PDE12: variants seen among roughly 807,000 people sequenced by gnomAD.
PDE12 encodes the protein phosphodiesterase 12.
Under a neutral mutation model 45.4 loss-of-function variants are expected in PDE12, and 26 were observed. That is an observed-to-expected ratio of 0.57 (90% confidence interval 0.42 to 0.79). The LOEUF (loss-of-function observed/expected upper bound fraction) is 0.79, where lower values mean the gene tolerates loss of function less well. Among genes scored for constraint, PDE12 ranks in the 30% least tolerant of loss-of-function variants. PDE12 has a pLI of 0.00. For missense variants in PDE12, 668 were observed against 790.0 expected (o/e 0.85, Z 1.85); for synonymous variants, 283 against 323.9 (o/e 0.87, Z 1.36).
At chr3:57,632,008 C>A in the PDE12 span, among the ~76,000 whole-genome samples, 1 of 143,668 alleles carries the variant, frequency 7.0e-6, no homozygotes, top group Non-Finnish European at 1.5e-5. Context: ...AGGCGTGAGC[C>A]ACCGCGCCCG....
At chr3:57,569,278 A>T (rs567367605), downstream of PDE12, among the ~76,000 whole-genome samples, 5 of 152,326 alleles carry the variant, frequency 3.3e-5, no homozygotes, top group Admixed American at 2.0e-4. Flanking sequence ...AAAGAAAAAA[A>T]GGAACTTTAA....
the PDE12 span, among the ~76,000 whole-genome samples, chr3:57,640,977 G>A: frequency 2.0e-5 from 3 of 151,430 alleles, no homozygotes; most frequent in Non-Finnish European, 1.5e-5. Context: ...ACTTTGAACC[G>A]CTCCCTAAAT....
the PDE12 span, among the ~76,000 whole-genome samples, chr3:57,590,038 C>A: frequency 1.3e-5 from 2 of 149,294 alleles, no homozygotes; most frequent in Non-Finnish European, 3.0e-5. Context: ...CGCAGTGAGT[C>A]GAGATCATGC....
chr3:57,595,999 C>T, the PDE12 span, among the ~76,000 whole-genome samples: 1 of 151,330 alleles, frequency 6.6e-6, no homozygotes, highest in Non-Finnish European at 1.5e-5. Flanking sequence ...CGGTAGAAAA[C>T]AAGCTAATGA....
At chr3:57,635,166 T>G in the PDE12 span, among the ~76,000 whole-genome samples, 1 of 152,196 alleles carries the variant, frequency 6.6e-6, no homozygotes, top group Non-Finnish European at 1.5e-5. Context: ...AATTCTTAAA[T>G]GACTATGCAG....
the PDE12 span, chr3:57,645,684 T>C: frequency 8.1e-6 from 13 of 1,613,120 alleles, no homozygotes; most frequent in Non-Finnish European, 1.0e-5. Context: ...GGGTAGTATA[T>C]TCTTTGAATT....
the PDE12 span, among the ~76,000 whole-genome samples, chr3:57,605,915 TAAACTC>T: frequency 6.6e-6 from 1 of 151,974 alleles, no homozygotes. Context: ...TTAATAAACT[TAAACTC>T]ATAGAAATAG....
the PDE12 span, among the ~76,000 whole-genome samples, chr3:57,601,277 T>C: frequency 1.3e-5 from 2 of 152,036 alleles, no homozygotes; most frequent in Non-Finnish European, 2.9e-5. Context: ...GCCCGGCTAA[T>C]TTTTGTATTT....
chr3:57,611,739 G>A, the PDE12 span, among the ~76,000 whole-genome samples: 1 of 152,122 alleles, frequency 6.6e-6, no homozygotes, highest in Non-Finnish European at 1.5e-5. Context: ...GAAACAACAG[G>A]TGCTAGAGAG....
At position 57,556,481 on chromosome 3, in the gene PDE12, G is replaced by A. The variant is rs1455897647; in HGVS notation, c.102G>A (p.Ala34=). Reference sequence around the variant, plus strand: ...CGGGGAGCCAGACAGCGGCGGGAGCGATGGAGCGCGCTGTAGTGCGCTGCG... The same window carrying A: ...CGGGGAGCCAGACAGCGGCGGGAGCAATGGAGCGCGCTGTAGTGCGCTGCG... The part of the protein sequence containing the change: ...AEAGSQTAAG[A]MERAVVRCVP... Residue 34 remains alanine (A), a synonymous_variant, in exon 1 of 3, where the codon GCG becomes GCA. Transcript: ENST00000311180. The surrounding 1 kb of genome is among the most constrained non-coding windows in gnomAD (Gnocchi z 5.0). 4 of 1,612,800 alleles carry A rather than the reference G, an allele frequency of 2.5e-6. No individual in the cohort carries two copies. The highest frequency in any genetic ancestry group is 1.3e-5 in the African/African-American group (1 of 75,068).
the PDE12 span, chr3:57,631,207 T>C: frequency 2.1e-6 from 1 of 485,998 alleles, no homozygotes; most frequent in Non-Finnish European, 3.6e-6. Context: ...CTACATTTTT[T>C]CTTTTTTGAG....
chr3:57,574,885 G>A, the PDE12 span, among the ~76,000 whole-genome samples: 1 of 151,830 alleles, frequency 6.6e-6, no homozygotes, highest in Non-Finnish European at 1.5e-5. Context: ...TTTCGCTCTT[G>A]TTGCCCAGGC....
the PDE12 span, chr3:57,572,171 A>G: frequency 1.8e-5 from 28 of 1,529,188 alleles, no homozygotes; most frequent in Non-Finnish European, 2.4e-5. Context: ...AGCCTAGACC[A>G]ATTTTATCAA....
At chr3:57,590,089 C>CAATAAATA in the PDE12 span, among the ~76,000 whole-genome samples, 12,433 of 135,052 alleles carry the variant, frequency 0.092, 693 homozygotes, top group Non-Finnish European at 0.11. Flanking sequence ...GACTCTGTCT[C>CAATAAATA]AATAAATAAA....
Position 57,562,104 on chromosome 3 carries a change from GT to G in PDE12, c.*2102del, listed in dbSNP as rs1480492149. 2 of 981,848 alleles carry G rather than the reference GT, an allele frequency of 2.0e-6. No homozygotes were observed. The highest frequency in any genetic ancestry group is 2.4e-6 in the Non-Finnish European group (2 of 826,944). The allele number at this position is 981,848 out of a possible 1,614,324, so 60.8% of individuals were successfully genotyped here. On this transcript the variant is annotated 3_prime_UTR_variant, in exon 3 of 3. Transcript: ENST00000311180. The stretch of plus-strand genomic sequence containing the variant: ...TTTTGGGCTGTTTTCAAAGAAAGAT[GT>G]TGATAGAACCCTTAGAGTGACTTGG...
At chr3:57,604,103 T>C in the PDE12 span, among the ~76,000 whole-genome samples, 15 of 151,822 alleles carry the variant, frequency 9.9e-5, no homozygotes, top group African/African-American at 2.4e-5. Context: ...TTTGTATTTT[T>C]AGTAGAGACA....
the PDE12 span, among the ~76,000 whole-genome samples, chr3:57,635,379 A>C: frequency 6.6e-6 from 1 of 152,140 alleles, no homozygotes; most frequent in African/African-American, 2.4e-5. Context: ...TAGTATATGC[A>C]GGCCCTGGTC....
the PDE12 span, among the ~76,000 whole-genome samples, chr3:57,594,770 T>A: frequency 3.4e-4 from 51 of 152,232 alleles, no homozygotes; most frequent in African/African-American, 1.2e-3. Context: ...AAAACATTAA[T>A]AATTCCAACA....
chr3:57,589,902 C>A, the PDE12 span, among the ~76,000 whole-genome samples: 1 of 149,980 alleles, frequency 6.7e-6, no homozygotes, highest in Non-Finnish European at 1.5e-5. Flanking sequence ...ACCAGCCTGG[C>A]CAACATGGTG....
Sources: allele counts gnomAD v4.1 joint callset (sites outside exome capture counted in the v4.1 genomes callset), GRCh38; gene constraint gnomAD v4.1.1; non-coding constraint Gnocchi (gnomAD v3.1); transcripts MANE v1.5; gene names NCBI Gene and HGNC (gene_info 2026-07-23, HGNC 2026-07-21).